The following PPP3CA variants were observed in gnomAD, a reference collection of about 807,000 sequenced individuals.
The protein encoded by PPP3CA is protein phosphatase 3 catalytic subunit alpha.
PPP3CA carries 14 observed loss-of-function variants against 66.5 expected under a neutral mutation model. That is an observed-to-expected ratio of 0.21 (90% CI 0.14 to 0.33). The LOEUF (loss-of-function observed/expected upper bound fraction) is 0.33. Among genes scored for constraint, PPP3CA ranks in the 10% least tolerant of loss-of-function variants. PPP3CA has a pLI of 1.00. For missense variants in PPP3CA, 317 were observed against 639.5 expected (o/e 0.50, Z 5.44); for synonymous variants, 232 against 226.2 (o/e 1.03, Z -0.23).
In PPP3CA at chr4:101,109,108, A is replaced by T. The variant is rs749263024; in HGVS notation, c.260-30T>A. The T allele has an allele frequency of 1.3e-5, 21 of 1,602,686 alleles. No individual in the cohort carries two copies. The African/African-American group carries it at 2.4e-4, about 18-fold the overall frequency. On this transcript the variant is annotated intron_variant, in intron 2 of 13. Coordinates refer to ENST00000394854, the MANE Select transcript of PPP3CA (RefSeq NM_000944.5). The stretch of plus-strand genomic sequence containing the variant: ...AAGAAACAAAATTCATTTTATGGTC[A>T]TATTATGTTAGGACTTTGAATTAAA...
rs1726569795 is a variant in PPP3CA at position 101,025,147 on chromosome 4, A to G, written c.*718T>C. 2 of 152,552 alleles carry G rather than the reference A, an allele frequency of 1.3e-5. No individual in the cohort carries two copies. Among genetic ancestry groups the G allele is most frequent in the African/African-American group, 4.8e-5 (2 of 41,440 alleles). The allele number at this position is 152,552 out of a possible 1,614,324, so 9.4% of individuals were successfully genotyped here. A position where few individuals can be genotyped will look rare whatever the true frequency, so the allele number is the denominator to read the frequency against. On this transcript the variant is annotated 3_prime_UTR_variant, in exon 14 of 14. Transcript: ENST00000394854. ...TTCCAGTTTTTTTAAAACTTAAAAG[A>G]TATTCCATTGCCGAATTAAGAAGAA...
rs1359830493 is a variant in PPP3CA at position 101,023,615 on chromosome 4, T to C, written c.*2250A>G. ...CACATCATCACTCTAGTAAGTTGCA[T>C]CTAAATATTTTCCTTGGTTGCCACT... On this transcript the variant is annotated 3_prime_UTR_variant, in exon 14 of 14. Coordinates refer to ENST00000394854, the MANE Select transcript of PPP3CA (RefSeq NM_000944.5). The C allele has an allele frequency of 6.6e-6, 1 of 152,574 alleles. No homozygotes were observed. Among genetic ancestry groups the C allele is most frequent in the African/African-American group, 2.4e-5 (1 of 41,442 alleles). The allele number at this position is 152,574 out of a possible 1,614,324, so 9.5% of individuals were successfully genotyped here. A position where few individuals can be genotyped will look rare whatever the true frequency, so the allele number is the denominator to read the frequency against.
chr4:101,231,901 C>T (rs1725974925), intron 1 of PPP3CA, among the ~76,000 whole-genome samples: 2 of 151,674 alleles, frequency 1.3e-5, no homozygotes, highest in African/African-American at 2.4e-5. Flanking sequence ...AACAAACCCT[C>T]CCAATCATAA....
At chr4:101,075,832 ACAT>A (rs1729163583) in intron 8 of PPP3CA, among the ~76,000 whole-genome samples, 1 of 152,172 alleles carries the variant, frequency 6.6e-6, no homozygotes, top group South Asian at 2.1e-4. Flanking sequence ...TTTTCCAAAT[ACAT>A]ATAAATAATC....
chr4:101,191,023 G>C (rs1207693162), intron 2 of PPP3CA, among the ~76,000 whole-genome samples: 2 of 152,172 alleles, frequency 1.3e-5, no homozygotes, highest in Non-Finnish European at 2.9e-5. Context: ...AGGATATGTA[G>C]ATAAATGCCT....
intron 2 of PPP3CA, among the ~76,000 whole-genome samples, chr4:101,124,721 GAA>G (rs1288458732): frequency 3.5e-4 from 25 of 70,614 alleles, no homozygotes; most frequent in East Asian, 1.1e-3. Context: ...AAGAAAGAAA[GAA>G]AGAGAAAGAA....
chr4:101,125,856 C>T (rs1722228040), intron 2 of PPP3CA, among the ~76,000 whole-genome samples: 1 of 152,118 alleles, frequency 6.6e-6, no homozygotes, highest in African/African-American at 2.4e-5. Flanking sequence ...AACAATATGA[C>T]ATTTTATTCT....
At chr4:101,057,470 G>A (rs2110222407) in intron 10 of PPP3CA, among the ~76,000 whole-genome samples, 1 of 152,148 alleles carries the variant, frequency 6.6e-6, no homozygotes, top group East Asian at 1.9e-4. Context: ...TACAAAATGA[G>A]GACAGCATCT....
intron 12 of PPP3CA, among the ~76,000 whole-genome samples, chr4:101,030,388 T>C (rs915980293): frequency 5.9e-5 from 9 of 152,072 alleles, no homozygotes; most frequent in Non-Finnish European, 8.8e-5. Context: ...AGAGAGTACA[T>C]AGCAAAGTTG....
chr4:101,031,142 T>C (rs1331449777), intron 12 of PPP3CA, among the ~76,000 whole-genome samples: 2 of 152,112 alleles, frequency 1.3e-5, no homozygotes, highest in African/African-American at 4.8e-5. Flanking sequence ...GATGCAGCCA[T>C]GATGTGATCA....
chr4:101,307,843 A>G (rs1728595858), intron 1 of PPP3CA, among the ~76,000 whole-genome samples: 1 of 152,250 alleles, frequency 6.6e-6, no homozygotes. Context: ...TTTTTTAAGG[A>G]CAAACTTCTC....
At chr4:101,127,631 T>C (rs998832058) in intron 2 of PPP3CA, among the ~76,000 whole-genome samples, 2 of 152,058 alleles carry the variant, frequency 1.3e-5, no homozygotes, top group Non-Finnish European at 2.9e-5. Flanking sequence ...TGTGAGACAA[T>C]AAATTTCTGT....
chr4:101,252,811 ACTGT>A lies in PPP3CA; in HGVS notation c.59-56699_59-56696del, dbSNP rs1389611699. Among the ~76,000 whole-genome samples the A allele has an allele frequency of 3.3e-5, 5 of 152,250 alleles. No individual in the cohort carries two copies. The East Asian group carries it at 9.7e-4, about 29-fold the overall frequency. ...CTTGCCTCCTTTGAAGTACTTCTTA[ACTGT>A]CTCTCTTATTTGATAGACGGTTGCT... On this transcript the variant is annotated intron_variant, in intron 1 of 13. Coordinates refer to ENST00000394854, the MANE Select transcript of PPP3CA (RefSeq NM_000944.5).
intron 1 of PPP3CA, among the ~76,000 whole-genome samples, chr4:101,300,112 C>G (rs1010830576): frequency 6.6e-6 from 1 of 152,302 alleles, no homozygotes; most frequent in African/African-American, 2.4e-5. Context: ...ACTGCTATTT[C>G]AGAGAGACAA....
chr4:101,100,014 G>T (rs1001974479), intron 3 of PPP3CA, among the ~76,000 whole-genome samples: 1 of 151,864 alleles, frequency 6.6e-6, no homozygotes, highest in Admixed American at 6.6e-5. Flanking sequence ...GACCTGAGGA[G>T]AGTGGGAGTT....
At chr4:101,064,051 C>T (rs1472417106) in intron 8 of PPP3CA, among the ~76,000 whole-genome samples, 1 of 151,908 alleles carries the variant, frequency 6.6e-6, no homozygotes, top group African/African-American at 2.4e-5. Flanking sequence ...CTATAGTAGA[C>T]TGCTTTCTTG....
At chr4:101,214,339 TTAA>T (rs148221856) in intron 1 of PPP3CA, among the ~76,000 whole-genome samples, 4 of 151,774 alleles carry the variant, frequency 2.6e-5, no homozygotes, top group South Asian at 2.1e-4. Context: ...GTTGTGAGGA[TTAA>T]TAATAATAAT....
intron 2 of PPP3CA, among the ~76,000 whole-genome samples, chr4:101,178,930 C>T (rs1307851989): frequency 6.6e-6 from 1 of 152,060 alleles, no homozygotes; most frequent in Non-Finnish European, 1.5e-5. Flanking sequence ...AACTAGCATT[C>T]CCTGGTCACT....
At chr4:101,100,801 G>T (rs996881199) in intron 3 of PPP3CA, among the ~76,000 whole-genome samples, 1 of 152,060 alleles carries the variant, frequency 6.6e-6, no homozygotes, top group Non-Finnish European at 1.5e-5. Context: ...AAATCAATGA[G>T]ATTTATACAT....
Sources: allele counts gnomAD v4.1 joint callset (sites outside exome capture counted in the v4.1 genomes callset), GRCh38; gene constraint gnomAD v4.1.1; transcripts MANE v1.5; gene names NCBI Gene and HGNC (gene_info 2026-07-23, HGNC 2026-07-21).